TACR3: variants seen among roughly 807,000 people sequenced by gnomAD.
TACR3 encodes the protein tachykinin receptor 3.
Under a neutral mutation model 35.0 loss-of-function variants are expected in TACR3, and 34 were observed. That is an observed-to-expected ratio of 0.97 (90% CI 0.74 to 1.30). TACR3 has a LOEUF of 1.30. TACR3 is among the 50% of genes most tolerant of loss of function. The pLI, the probability that TACR3 is intolerant of heterozygous loss-of-function variation, is 0.00. For synonymous variants in TACR3, 233 were observed against 221.1 expected (o/e 1.05, Z -0.48); for missense variants, 558 against 591.7 (o/e 0.94, Z 0.59).
At chr4:103,600,575 T>C (rs1462054874) in intron 3 of TACR3, among the ~76,000 whole-genome samples, 2 of 152,174 alleles carry the variant, frequency 1.3e-5, no homozygotes, top group Non-Finnish European at 1.5e-5. Flanking sequence ...TAGATCTTTC[T>C]TGCTTTCTCT....
intron 3 of TACR3, among the ~76,000 whole-genome samples, chr4:103,629,061 C>A (rs1724982010): frequency 1.3e-5 from 2 of 152,128 alleles, no homozygotes; most frequent in Admixed American, 6.6e-5. Context: ...TCAACAGATG[C>A]ACAAAAGGCC....
At chr4:103,686,935 C>A (rs1722257342) in intron 1 of TACR3, among the ~76,000 whole-genome samples, 1 of 152,064 alleles carries the variant, frequency 6.6e-6, no homozygotes, top group Admixed American at 6.6e-5. Flanking sequence ...TGGGCAGAGA[C>A]ACAACCAAAA....
chr4:103,655,110 A>G (rs1725704837), intron 3 of TACR3, among the ~76,000 whole-genome samples: 1 of 152,204 alleles, frequency 6.6e-6, no homozygotes, highest in Non-Finnish European at 1.5e-5. Flanking sequence ...GCTCATTCTT[A>G]CTTTTTGTTT....
intron 3 of TACR3, among the ~76,000 whole-genome samples, chr4:103,641,242 T>C (rs1725349973): frequency 6.6e-6 from 1 of 151,952 alleles, no homozygotes; most frequent in African/African-American, 2.4e-5. Context: ...GGGCTCACTG[T>C]TCTGTTTCAT....
chr4:103,712,422 T>G (rs1578269403), intron 1 of TACR3, among the ~76,000 whole-genome samples: 1 of 152,234 alleles, frequency 6.6e-6, no homozygotes, highest in East Asian at 1.9e-4. Context: ...GCTAGCCATA[T>G]GTAGAAAGCT....
chr4:103,607,880 T>A (rs1342923927), intron 3 of TACR3, among the ~76,000 whole-genome samples: 2 of 152,214 alleles, frequency 1.3e-5, no homozygotes, highest in African/African-American at 2.4e-5. Flanking sequence ...ACTACAGGGT[T>A]TTCCTCTCCT....
intron 3 of TACR3, among the ~76,000 whole-genome samples, chr4:103,622,190 G>A (rs1001084321): frequency 1.3e-5 from 2 of 152,158 alleles, no homozygotes; most frequent in African/African-American, 4.8e-5. Context: ...GGTAACTTTG[G>A]CAAGGGTGGT....
chr4:103,683,108 C>A (rs1722137274), intron 1 of TACR3, among the ~76,000 whole-genome samples: 1 of 151,888 alleles, frequency 6.6e-6, no homozygotes, highest in Admixed American at 6.6e-5. Context: ...GTCTACCACA[C>A]AATGGATCAA....
At chr4:103,655,126 T>A (rs529014129) in intron 3 of TACR3, among the ~76,000 whole-genome samples, 1 of 152,346 alleles carries the variant, frequency 6.6e-6, no homozygotes, top group East Asian at 1.9e-4. Flanking sequence ...TGTTTTCAAA[T>A]GCTAGAAATC....
rs887679267 is a variant in TACR3 at position 103,658,203 on chromosome 4, G to T, written c.737+12C>A. The T allele has an allele frequency of 5.6e-6, 9 of 1,612,940 alleles. No individual in the cohort carries two copies. The highest frequency in any genetic ancestry group is 1.3e-5 in the African/African-American group (1 of 74,978). ...AAACTGAATTGAAAACCATAATAGA[G>T]AATTAACTTACGTGAAATGTTGTTT... On this transcript the variant is annotated intron_variant, in intron 2 of 4. Coordinates refer to ENST00000304883, the MANE Select transcript of TACR3 (RefSeq NM_001059.3).
At chr4:103,660,569 A>G (rs1725820586) in intron 1 of TACR3, among the ~76,000 whole-genome samples, 1 of 151,924 alleles carries the variant, frequency 6.6e-6, no homozygotes, top group South Asian at 2.1e-4. Context: ...ACACATAAGA[A>G]CACAAGGAAA....
chr4:103,611,189 T>C (rs1408179045), intron 3 of TACR3, among the ~76,000 whole-genome samples: 1 of 152,212 alleles, frequency 6.6e-6, no homozygotes, highest in Non-Finnish European at 1.5e-5. Context: ...AGGGATTGAA[T>C]TGAATTTGTA....
intron 1 of TACR3, among the ~76,000 whole-genome samples, chr4:103,684,559 G>C (rs1722186755): frequency 6.6e-6 from 1 of 152,064 alleles, no homozygotes; most frequent in Non-Finnish European, 1.5e-5. Context: ...GACCGAAATA[G>C]GTGATAAAAA....
chr4:103,680,355 G>T (rs1316608777), intron 1 of TACR3, among the ~76,000 whole-genome samples: 1 of 150,788 alleles, frequency 6.6e-6, no homozygotes, highest in African/African-American at 2.4e-5. Context: ...AAGCTTGTTT[G>T]GAGAAAAAAA....
At chr4:103,706,715 C>T (rs1722801244) in intron 1 of TACR3, among the ~76,000 whole-genome samples, 1 of 152,100 alleles carries the variant, frequency 6.6e-6, no homozygotes, top group African/African-American at 2.4e-5. Flanking sequence ...ATTTAACTTT[C>T]TAATACTTAT....
At chr4:103,664,141 A>G (rs1421863323) in intron 1 of TACR3, among the ~76,000 whole-genome samples, 1 of 152,216 alleles carries the variant, frequency 6.6e-6, no homozygotes, top group Non-Finnish European at 1.5e-5. Flanking sequence ...TGAAATTCTC[A>G]GAAGCATCTA....
intron 1 of TACR3, among the ~76,000 whole-genome samples, chr4:103,698,254 A>T (rs1005737046): frequency 6.6e-6 from 1 of 152,166 alleles, no homozygotes; most frequent in African/African-American, 2.4e-5. Context: ...AAAAGTCAAT[A>T]CACATGGTAC....
intron 3 of TACR3, among the ~76,000 whole-genome samples, chr4:103,647,009 C>G (rs1725476268): frequency 1.3e-5 from 2 of 151,928 alleles, no homozygotes; most frequent in African/African-American, 4.8e-5. Flanking sequence ...CTACTCATTT[C>G]CTCCTTACAG....
chr4:103,706,606 G>C (rs1722796795), intron 1 of TACR3, among the ~76,000 whole-genome samples: 1 of 152,050 alleles, frequency 6.6e-6, no homozygotes, highest in Admixed American at 6.6e-5. Flanking sequence ...GAGAAAGAAA[G>C]TACATATAAT....
Sources: allele counts gnomAD v4.1 joint callset (sites outside exome capture counted in the v4.1 genomes callset), GRCh38; gene constraint gnomAD v4.1.1; transcripts MANE v1.5; gene names NCBI Gene and HGNC (gene_info 2026-07-23, HGNC 2026-07-21).